The following NCKIPSD variants were observed in gnomAD, a reference collection of about 807,000 sequenced individuals.
The protein encoded by NCKIPSD is NCK interacting protein with SH3 domain.
A neutral mutation model predicts 73.4 loss-of-function variants in NCKIPSD; 48 were observed. That is an observed-to-expected ratio of 0.65 (90% CI 0.52 to 0.83). The LOEUF is 0.83. Ranked by LOEUF, NCKIPSD falls within the 40% of genes least tolerant of loss-of-function variation. The pLI is 0.00. For synonymous variants in NCKIPSD, 422 were observed against 403.6 expected, an observed-to-expected ratio of 1.05 and a Z score of -0.54; for missense variants, 884 against 970.2, an observed-to-expected ratio of 0.91 and a Z score of 1.18.
chr3:48,680,748 C>A (rs537811429), intron 5 of NCKIPSD, among the ~76,000 whole-genome samples: 2 of 152,218 alleles, frequency 1.3e-5, no homozygotes, highest in South Asian at 2.1e-4. Context: ...GCTCACTGCC[C>A]CCATCCTGCT....
In NCKIPSD at chr3:48,673,858, T is replaced by G; in HGVS notation, c.*686A>C. 1 of 1,040,840 alleles carries G rather than the reference T, an allele frequency of 9.6e-7. No homozygotes were observed. The highest frequency in any genetic ancestry group is 5.8e-5 in the East Asian group (1 of 17,382). The allele number at this position is 1,040,840 out of a possible 1,614,324, so 64.5% of individuals were successfully genotyped here. ...AGGGAAGCCTGTTTCCAGATGCCTG[T>G]GATTTATTTCCAAAGGAGAGCTACA... On this transcript the variant is annotated 3_prime_UTR_variant, in exon 13 of 13. Transcript: ENST00000294129.
intron 2 of NCKIPSD, 143 bp from the exon 3 acceptor site, chr3:48,682,695 C>A: frequency 5.2e-6 from 6 of 1,151,276 alleles, no homozygotes; most frequent in East Asian, 2.5e-5. Flanking sequence ...GCCTACAGTA[C>A]CCCATACTAT....
Position 48,680,241 on chromosome 3 carries a change from G to A in NCKIPSD, c.1093-12C>T, listed in dbSNP as rs2077329173. Reference sequence around the variant, plus strand: ...GCCATGCTGAGGTCCTAGAGGGAGAGGGCAAGGCATGACTCAGCACACTCC... The same window carrying A: ...GCCATGCTGAGGTCCTAGAGGGAGAAGGCAAGGCATGACTCAGCACACTCC... On this transcript the variant is annotated splice_polypyrimidine_tract_variant and intron_variant, in intron 5 of 12. Coordinates refer to ENST00000294129, the MANE Select transcript of NCKIPSD (RefSeq NM_016453.4). The A allele has an allele frequency of 3.8e-6, 6 of 1,598,518 alleles. No individual in the cohort carries two copies. Among genetic ancestry groups the A allele is most frequent in the Non-Finnish European group, 4.3e-6 (5 of 1,170,750 alleles).
At position 48,682,367 on chromosome 3, in the gene NCKIPSD, G is replaced by T; in HGVS notation, c.467C>A (p.Ala156Glu). The T allele has an allele frequency of 6.2e-7, 1 of 1,614,036 alleles. No homozygotes were observed. The highest frequency in any genetic ancestry group is 8.5e-7 in the Non-Finnish European group (1 of 1,179,968). ...ACACACCTGGTAGAGGCCTCCATCT[G>T]CCCCAAGATGCTCAGAACTGGGTAG... is the stretch of plus-strand genomic sequence containing the variant. ...HSLPSSEHLG[A>E]DGGLYQIPLP... is the part of the protein sequence containing the mutation. Residue 156 changes from alanine to glutamate, a missense_variant, in exon 3 of 13, where the codon GCA (alanine) becomes GAA (glutamate). Physicochemically the swap from Ala to Glu is moderately radical, Grantham distance 107. Coordinates refer to ENST00000294129, the MANE Select transcript of NCKIPSD (RefSeq NM_016453.4).
At chr3:48,682,241 AG>A in intron 3 of NCKIPSD, 85 bp from the exon 4 acceptor site, 4 of 1,567,520 alleles carry the variant, frequency 2.6e-6, no homozygotes, top group Non-Finnish European at 3.5e-6. Context: ...GGCTGTGGGC[AG>A]GACTATGGCT....
chr3:48,682,536 G>A lies in NCKIPSD; in HGVS notation c.298C>T (p.Arg100Trp), dbSNP rs746393797. 6.2e-6 allele frequency: 10 copies of A among 1,613,866 alleles called. No homozygotes were observed. In the Admixed American group the frequency reaches 6.7e-5, roughly 11 times the overall value. The change falls in exon 3 of 13, where the codon CGG becomes TGG. Residue 100 changes from arginine to tryptophan, a missense_variant. Arg to Trp is a moderately radical substitution (Grantham distance 101). Coordinates refer to ENST00000294129, the MANE Select transcript of NCKIPSD (RefSeq NM_016453.4). Reference sequence around the variant, plus strand: ...CCTCTGCGTGACAGGGTCTCTTTCCGGTGGTGGATCAGCTTCCTGATGGAA... The same window carrying A: ...CCTCTGCGTGACAGGGTCTCTTTCCAGTGGTGGATCAGCTTCCTGATGGAA... ...RGVLQKLIHH[R>W]KETLSRRGPS...
intron 12 of NCKIPSD, 77 bp from the exon 13 acceptor site, chr3:48,674,824 G>C: frequency 6.8e-7 from 1 of 1,466,568 alleles, no homozygotes; most frequent in South Asian, 1.2e-5. Context: ...GGACCCCACT[G>C]TCCCACAGAC....
intron 3 of NCKIPSD, 81 bp from the exon 4 acceptor site, chr3:48,682,237 G>A: frequency 1.9e-6 from 3 of 1,565,004 alleles, no homozygotes; most frequent in Non-Finnish European, 2.6e-6. Flanking sequence ...CCCTGGCTGT[G>A]GGCAGGACTA....
intron 1 of NCKIPSD, among the ~76,000 whole-genome samples, chr3:48,684,019 C>CACACACACACACACACAGAG (rs563262573): frequency 8.5e-5 from 12 of 141,346 alleles, no homozygotes; most frequent in African/African-American, 3.3e-4. Flanking sequence ...CACACACACA[C>CACACACACACACACACAGAG]AGAGAGAGAG....
Position 48,679,071 on chromosome 3 carries a change from G to A in NCKIPSD, c.1683C>T (p.Leu561=), listed in dbSNP as rs940616807. ...PDLCVNLLLA[L]NLHLPAADQN... ...CCACCCCACCTGGCAGGTGCAGGTT[G>A]AGAGCCAGAAGCAGGTTCACGCAGA... The change falls in exon 10 of 13, where the codon CTC becomes CTT. Residue 561 remains leucine (L), a synonymous_variant. Transcript: ENST00000294129. The A allele has an allele frequency of 6.2e-7, 1 of 1,614,150 alleles. No individual in the cohort carries two copies. Among genetic ancestry groups the A allele is most frequent in the Non-Finnish European group, 8.5e-7 (1 of 1,180,030 alleles).
In NCKIPSD at chr3:48,685,667, G is replaced by T; in HGVS notation, c.141C>A (p.Tyr47Ter). 1.3e-6 allele frequency: 2 copies of T among 1,525,774 alleles called. No homozygotes were observed. The highest frequency in any genetic ancestry group is 1.8e-6 in the Non-Finnish European group (2 of 1,142,538). The allele number at this position is 1,525,774 out of a possible 1,614,324, so 94.5% of individuals were successfully genotyped here. Reference protein sequence around the residue: ...AARARSGETGYVPPAYLRRLQ... With the variant: ...AARARSGETG ...GGCGGCGCAGGTAGGCTGGCGGCAC[G>T]TAGCCCGTCTCACCACTGCGCGCCC... Residue 47 changes from tyrosine to a stop codon, truncating the protein, a stop_gained, in exon 1 of 13, where the codon TAC becomes TAA. Transcript: ENST00000294129. LOFTEE classifies it high-confidence loss of function.
In NCKIPSD at chr3:48,681,107, G is replaced by A. The variant is rs889134349; in HGVS notation, c.1092+180C>T. The A allele has an allele frequency of 6.1e-6, 6 of 978,176 alleles. No individual in the cohort carries two copies. The African/African-American group carries it at 6.5e-5, about 11-fold the overall frequency. 60.6% of individuals were successfully genotyped at this position (978,176 alleles called of 1,614,324 possible). On this transcript the variant is annotated intron_variant, in intron 5 of 12. Transcript: ENST00000294129. ...TGGCCCTTGTCCAGGCTGCGCATCT[G>A]CCTGGAATGCTTGTCCTTCCTTTCT...
In NCKIPSD at chr3:48,685,793, C is replaced by T; in HGVS notation, c.15G>A (p.Leu5=). The T allele has an allele frequency of 6.6e-7, 1 of 1,518,208 alleles. No individual in the cohort carries two copies. The highest frequency in any genetic ancestry group is 8.8e-7 in the Non-Finnish European group (1 of 1,142,476). The allele number at this position is 1,518,208 out of a possible 1,614,324, so 94.0% of individuals were successfully genotyped here. A position where few individuals can be genotyped will look rare whatever the true frequency, so the allele number is the denominator to read the frequency against. MYRA[L]YAFRSAEPNA... is the part of the protein sequence containing the mutation. The stretch of plus-strand genomic sequence containing the variant: ...TGGGCTCCGCCGAGCGGAACGCGTA[C>T]AGCGCGCGGTACATGAGGCCGGGCA... Residue 5 remains leucine (L), a synonymous_variant, in exon 1 of 13, where the codon CTG becomes CTA. Transcript: ENST00000294129.
At position 48,678,924 on chromosome 3, in the gene NCKIPSD, T is replaced by A; in HGVS notation, c.1745A>T (p.Asn582Ile). ...VIMAALSKHA[N>I]VKIFSEKLLL... ...CAGCTTCTCGGAGAAGATCTTGACA[T>A]TGGCGTGTTTGCTCAGGGCAGCCAT... Residue 582 changes from asparagine (N) to isoleucine (I), a missense_variant, in exon 11 of 13, where the codon AAT becomes ATT. Transcript: ENST00000294129. 1 of 1,613,986 alleles carries A rather than the reference T, an allele frequency of 6.2e-7. No individual in the cohort carries two copies. The highest frequency in any genetic ancestry group is 8.5e-7 in the Non-Finnish European group (1 of 1,180,006).
Position 48,682,388 on chromosome 3 carries a change from G to C in NCKIPSD, c.446C>G (p.Pro149Arg), listed in dbSNP as rs765632424. 1 of 1,613,990 alleles carries C rather than the reference G, an allele frequency of 6.2e-7. No individual in the cohort carries two copies. The highest frequency in any genetic ancestry group is 8.5e-7 in the Non-Finnish European group (1 of 1,180,006). The change falls in exon 3 of 13, where the codon CCC becomes CGC. Residue 149 changes from proline (P) to arginine (R), a missense_variant. Coordinates refer to ENST00000294129, the MANE Select transcript of NCKIPSD (RefSeq NM_016453.4). ...ATCTGCCCCAAGATGCTCAGAACTG[G>C]GTAGGCTGTGCTGCCGCTCGAACCC... ...RAGFERQHSLPSSEHLGADGG... is the reference protein window; with the variant it reads ...RAGFERQHSLRSSEHLGADGG...
intron 2 of NCKIPSD, 131 bp downstream of exon 2, chr3:48,682,772 G>T: frequency 7.4e-7 from 1 of 1,347,824 alleles, no homozygotes. Context: ...TGCTCACTGG[G>T]AGGTGCCATT....
chr3:48,679,270 G>A (rs1297572475), intron 9 of NCKIPSD, 87 bp from the exon 10 acceptor site: 3 of 1,611,666 alleles, frequency 1.9e-6, no homozygotes, highest in Middle Eastern at 1.9e-4. Context: ...GTGAGCCTTG[G>A]GGATAGCCTC....
At chr3:48,680,025 C>T (rs1444666972) in intron 6 of NCKIPSD, 34 bp downstream of exon 6, 14 of 1,603,744 alleles carry the variant, frequency 8.7e-6, no homozygotes, top group African/African-American at 2.7e-5. Context: ...CACTGTTCCC[C>T]ATGTGGGGTA....
Position 48,673,893 on chromosome 3 carries a change from A to G in NCKIPSD, c.*651T>C. On this transcript the variant is annotated 3_prime_UTR_variant, in exon 13 of 13. Transcript: ENST00000294129. ...CCAAAGGAGAGCTACAGCACATAGG[A>G]AAATACACATGGCTTTTCAGTCTAC... is the stretch of plus-strand genomic sequence containing the variant. 2 of 1,055,970 alleles carry G rather than the reference A, an allele frequency of 1.9e-6. No individual in the cohort carries two copies. The highest frequency in any genetic ancestry group is 9.1e-5 in the South Asian group (2 of 21,906). 65.4% of individuals were successfully genotyped at this position (1,055,970 alleles called of 1,614,324 possible).
Sources: gnomAD v4.1 joint callset for allele counts (sites outside exome capture counted in the v4.1 genomes callset) on GRCh38, gnomAD v4.1.1 for gene constraint, MANE v1.5 for transcripts, NCBI Gene and HGNC (gene_info 2026-07-23, HGNC 2026-07-21) for gene names.